The following SHISA6 variants were observed in gnomAD, a reference collection of about 807,000 sequenced individuals.
SHISA6 encodes the protein protein shisa-6.
A neutral mutation model predicts 47.9 loss-of-function variants in SHISA6; 22 were observed. The ratio of observed to expected loss-of-function variants is 0.46; its 90% confidence interval spans 0.33 to 0.66. The LOEUF is 0.66. Among genes scored for constraint, SHISA6 ranks in the 30% least tolerant of loss-of-function variants. SHISA6 has a pLI of 0.02. For synonymous variants in SHISA6, 388 were observed against 337.8 expected (o/e 1.15, Z -1.63); for missense variants, 680 against 764.6 (o/e 0.89, Z 1.30).
At chr17:11,432,805 A>C (rs1017264004) in intron 3 of SHISA6, among the ~76,000 whole-genome samples, 9 of 150,544 alleles carry the variant, frequency 6.0e-5, no homozygotes, top group East Asian at 1.9e-4. Flanking sequence ...AAAAAAAAAA[A>C]CCCACGTATT....
chr17:11,305,045 T>C (rs1910061220), intron 2 of SHISA6, among the ~76,000 whole-genome samples: 1 of 152,174 alleles, frequency 6.6e-6, no homozygotes, highest in Admixed American at 6.5e-5. Flanking sequence ...TGACCTGTGG[T>C]GTTGGGGCTT....
At chr17:11,530,478 G>T (rs535978591) in intron 3 of SHISA6, among the ~76,000 whole-genome samples, 1 of 152,198 alleles carries the variant, frequency 6.6e-6, no homozygotes, top group African/African-American at 2.4e-5. Flanking sequence ...TTACTTTCTG[G>T]TTTTTCAACA....
rs2071510270 is a variant in SHISA6, at chr17:11,507,621, T to G, written c.896-44275T>G. Among the ~76,000 whole-genome samples, 4 of 152,174 alleles carry G rather than the reference T, an allele frequency of 2.6e-5. No individual in the cohort carries two copies. In the South Asian group the frequency reaches 8.3e-4, roughly 32 times the overall value. On this transcript the variant is annotated intron_variant, in intron 3 of 5. Transcript: ENST00000441885. Reference sequence around the variant, plus strand: ...TCTGAGAAATGATGCTTTCCTACAGTCCAGAAGAGGTCTTCCCACCTCTCC... The same window carrying G: ...TCTGAGAAATGATGCTTTCCTACAGGCCAGAAGAGGTCTTCCCACCTCTCC...
At chr17:11,492,807 G>A (rs1250840622) in intron 3 of SHISA6, among the ~76,000 whole-genome samples, 3 of 152,110 alleles carry the variant, frequency 2.0e-5, no homozygotes, top group African/African-American at 7.2e-5. Context: ...AAGTCTTAGG[G>A]TTCCCAAGCC....
chr17:11,300,639 T>C (rs146077870), intron 2 of SHISA6, among the ~76,000 whole-genome samples: 14 of 152,252 alleles, frequency 9.2e-5, no homozygotes, highest in African/African-American at 3.4e-4. Context: ...GAATTCCCTT[T>C]TTGCCAGTTT....
At chr17:11,362,239 A>C (rs2142230406) in intron 2 of SHISA6, among the ~76,000 whole-genome samples, 1 of 152,188 alleles carries the variant, frequency 6.6e-6, no homozygotes, top group East Asian at 1.9e-4. Flanking sequence ...TCCTGGGCTC[A>C]AGCAATCCTC....
intron 3 of SHISA6, among the ~76,000 whole-genome samples, chr17:11,387,331 T>C (rs1490146670): frequency 6.6e-6 from 1 of 151,998 alleles, no homozygotes; most frequent in Non-Finnish European, 1.5e-5. Flanking sequence ...GTGAGTGCAT[T>C]GGAGCAGGTG....
Position 11,241,256 on chromosome 17 carries a change from G to T in SHISA6, c.-167G>T. On this transcript the variant is annotated 5_prime_UTR_variant, in exon 1 of 6. Coordinates refer to ENST00000441885, the MANE Select transcript of SHISA6 (RefSeq NM_207386.4). The surrounding 1 kb of genome is among the most constrained non-coding windows in gnomAD (Gnocchi z 5.5). ...CGCCGGGCCGGTCCGTGCGCACCGC[G>T]CGCCGCCGCCGCCACTGCCGCCCGC... 1 of 209,390 alleles carries T rather than the reference G, an allele frequency of 4.8e-6. No homozygotes were observed. The highest frequency in any genetic ancestry group is 8.0e-6 in the Non-Finnish European group (1 of 124,852). 13.0% of individuals were successfully genotyped at this position (209,390 alleles called of 1,614,324 possible).
At chr17:11,460,242 G>A (rs1915658147) in intron 3 of SHISA6, among the ~76,000 whole-genome samples, 1 of 152,190 alleles carries the variant, frequency 6.6e-6, no homozygotes, top group Non-Finnish European at 1.5e-5. Flanking sequence ...CAGGAAGGAA[G>A]AACTTTCCTA....
At chr17:11,278,916 C>T (rs746035508) in intron 2 of SHISA6, among the ~76,000 whole-genome samples, 1 of 152,078 alleles carries the variant, frequency 6.6e-6, no homozygotes, top group Non-Finnish European at 1.5e-5. Flanking sequence ...GCTGGGTGGC[C>T]GAGGCAGGCA....
At chr17:11,478,824 C>A in intron 3 of SHISA6, among the ~76,000 whole-genome samples, 1 of 136,210 alleles carries the variant, frequency 7.3e-6, no homozygotes, top group East Asian at 2.1e-4. Flanking sequence ...GTTACTGTAG[C>A]CTTGTAGTAT....
chr17:11,419,524 G>A (rs1418441740), intron 3 of SHISA6, among the ~76,000 whole-genome samples: 2 of 152,136 alleles, frequency 1.3e-5, no homozygotes, highest in Non-Finnish European at 2.9e-5. Flanking sequence ...GTTAGATTAC[G>A]TTGAGTGAAC....
Position 11,551,906 on chromosome 17 carries a change from A to G in SHISA6, c.906A>G (p.Gln302=), listed in dbSNP as rs1456274110. Residue 302 remains glutamine, a synonymous_variant, in exon 4 of 6, where the codon CAA becomes CAG. Transcript: ENST00000441885. Reference sequence around the variant, plus strand: ...TTCTATGATTTTCAGGTGATCATCAATATAACCATCCGATTTTGAGCAGTG... The same window carrying G: ...TTCTATGATTTTCAGGTGATCATCAGTATAACCATCCGATTTTGAGCAGTG... ...LGRGHTKGDH[Q]YNHPILSSVT... 9.7e-6 allele frequency: 15 copies of G among 1,551,728 alleles called. No individual in the cohort carries two copies. The highest frequency in any genetic ancestry group is 1.2e-5 in the Non-Finnish European group (14 of 1,146,986).
intron 3 of SHISA6, among the ~76,000 whole-genome samples, chr17:11,498,487 T>C (rs2071425876): frequency 6.6e-6 from 1 of 152,164 alleles, no homozygotes; most frequent in Admixed American, 6.5e-5. Flanking sequence ...TAATTTGTTG[T>C]ACAGTTCAAA....
intron 3 of SHISA6, among the ~76,000 whole-genome samples, chr17:11,511,141 T>C (rs142574322): frequency 5.3e-5 from 8 of 152,226 alleles, no homozygotes; most frequent in African/African-American, 1.9e-4. Context: ...TACAGGGACA[T>C]GGATGAAGCT....
At position 11,334,723 on chromosome 17, in the gene SHISA6, G is replaced by A. The variant is rs76849129; in HGVS notation, c.800-44691G>A. On this transcript the variant is annotated intron_variant, in intron 2 of 5. Transcript: ENST00000441885. ...CCCTGGAAGCCCTGCCTTCGGATCA[G>A]AAAGCATCATTTCAGCCCCTGGTGC... Among the ~76,000 whole-genome samples, 892 of 152,342 alleles carry A rather than the reference G, an allele frequency of 5.9e-3. 8 individuals are homozygous for A. The highest frequency in any genetic ancestry group is 0.027 in the Middle Eastern group (8 of 294).
rs577394766 is a variant in SHISA6 at position 11,416,641 on chromosome 17, A to T, written c.895+37132A>T. 3.3e-5 allele frequency among the ~76,000 whole-genome samples: 5 copies of T among 152,338 alleles called. No individual in the cohort carries two copies. The South Asian group carries it at 1.0e-3, about 32-fold the overall frequency. ...GTATTTAGTGAAAAATAAATAAAACATAATTTATGCGTTGGCTTTTAAACA... is the reference window on the plus strand; with the variant it reads ...GTATTTAGTGAAAAATAAATAAAACTTAATTTATGCGTTGGCTTTTAAACA... On this transcript the variant is annotated intron_variant, in intron 3 of 5. Coordinates refer to ENST00000441885, the MANE Select transcript of SHISA6 (RefSeq NM_207386.4).
chr17:11,285,139 C>T (rs1909251907), intron 2 of SHISA6, among the ~76,000 whole-genome samples: 2 of 152,190 alleles, frequency 1.3e-5, no homozygotes, highest in South Asian at 2.1e-4. Flanking sequence ...ACACATGCAC[C>T]CCAGAAGTAA....
intron 3 of SHISA6, among the ~76,000 whole-genome samples, chr17:11,542,029 G>T (rs1312428360): frequency 6.6e-6 from 1 of 152,170 alleles, no homozygotes; most frequent in Non-Finnish European, 1.5e-5. Context: ...AGCATTTATG[G>T]TTGAACAACT....
Sources: gnomAD v4.1 joint callset for allele counts (sites outside exome capture counted in the v4.1 genomes callset) on GRCh38, gnomAD v4.1.1 for gene constraint, Gnocchi (gnomAD v3.1) non-coding constraint, MANE v1.5 for transcripts, NCBI Gene and HGNC (gene_info 2026-07-23, HGNC 2026-07-21) for gene names.